Variants in SRFBP1 observed in about 807,000 individuals in gnomAD.
SRFBP1 encodes serum response factor binding protein 1, also known as serum response factor-binding protein 1.
Under a neutral mutation model 45.5 loss-of-function variants are expected in SRFBP1, and 47 were observed. That is an observed-to-expected ratio of 1.03 (90% confidence interval 0.82 to 1.32). The LOEUF (loss-of-function observed/expected upper bound fraction) is 1.32. SRFBP1 is among the 40% of genes most tolerant of loss of function. SRFBP1 has a pLI of 0.00. For missense variants in SRFBP1, 621 were observed against 484.6 expected, an observed-to-expected ratio of 1.28 and a Z score of -2.64; for synonymous variants, 203 against 166.3, an observed-to-expected ratio of 1.22 and a Z score of -1.70.
chr5:122,015,987 G>A (rs1487222642), intron 4 of SRFBP1, among the ~76,000 whole-genome samples: 1 of 152,040 alleles, frequency 6.6e-6, no homozygotes, highest in Non-Finnish European at 1.5e-5. Flanking sequence ...ATCAGATTAG[G>A]TGAACATTTA....
In SRFBP1 at chr5:122,027,733, G is replaced by T. The variant is rs1241750501; in HGVS notation, c.*607G>T. ...TAAAATAGTAACTTTTATTATGGAT[G>T]TACAGATAAATATTAATTTTATTAT... On this transcript the variant is annotated 3_prime_UTR_variant, in exon 8 of 8. Transcript: ENST00000339397. 6.6e-6 allele frequency: 1 copy of T among 152,122 alleles called. No individual in the cohort carries two copies. Among genetic ancestry groups the T allele is most frequent in the Non-Finnish European group, 1.5e-5 (1 of 68,024 alleles). 9.4% of individuals were successfully genotyped at this position (152,122 alleles called of 1,614,324 possible).
chr5:121,964,822 A>G (rs1330773448), intron 1 of SRFBP1, among the ~76,000 whole-genome samples: 1 of 152,112 alleles, frequency 6.6e-6, no homozygotes, highest in African/African-American at 2.4e-5. Context: ...GTGTAAAAGC[A>G]TTCCTGTTTC....
At chr5:122,013,012 C>G (rs1366319862) in intron 4 of SRFBP1, among the ~76,000 whole-genome samples, 1 of 152,070 alleles carries the variant, frequency 6.6e-6, no homozygotes, top group Non-Finnish European at 1.5e-5. Flanking sequence ...TACTTACCAC[C>G]TCTGACTCTT....
At chr5:122,043,916 T>C (rs183387436) in intron 2 of SRFBP1, among the ~76,000 whole-genome samples, 7 of 152,298 alleles carry the variant, frequency 4.6e-5, no homozygotes. Context: ...TTAATCTCCT[T>C]GTCACAGGAG....
chr5:122,077,647 G>T (rs751836249), downstream of SRFBP1: 2 of 1,609,780 alleles, frequency 1.2e-6, no homozygotes, highest in Admixed American at 3.3e-5. The surrounding 1 kb of genome is among the most constrained non-coding windows in gnomAD (Gnocchi z 4.9). Context: ...GGCGGCCAGC[G>T]GTGACTCCAG....
At chr5:121,979,236 AT>A (rs1279170231) in intron 3 of SRFBP1, among the ~76,000 whole-genome samples, 3 of 152,240 alleles carry the variant, frequency 2.0e-5, no homozygotes, top group Non-Finnish European at 4.4e-5. Flanking sequence ...ACTCAGAAGT[AT>A]TCTAGGCTGT....
intron 3 of SRFBP1, among the ~76,000 whole-genome samples, chr5:121,984,428 G>A (rs1319834386): frequency 6.6e-6 from 1 of 151,648 alleles, no homozygotes; most frequent in Non-Finnish European, 1.5e-5. Context: ...CAGGTTATTG[G>A]CATGTTATTT....
At chr5:122,035,610 A>G (rs768581862) in intron 2 of SRFBP1, among the ~76,000 whole-genome samples, 9 of 152,284 alleles carry the variant, frequency 5.9e-5, no homozygotes, top group African/African-American at 2.2e-4. Context: ...AATTTTTTCT[A>G]TTAGAATTTT....
downstream of SRFBP1, chr5:122,077,788 A>G (rs769991965): frequency 1.9e-6 from 3 of 1,548,646 alleles, no homozygotes; most frequent in African/African-American, 4.1e-5. The surrounding 1 kb of genome is among the most constrained non-coding windows in gnomAD (Gnocchi z 4.9). Context: ...GGCGGCGCTG[A>G]GGCTGGTACT....
At chr5:122,040,690 G>A (rs1753759704) in intron 2 of SRFBP1, among the ~76,000 whole-genome samples, 1 of 152,140 alleles carries the variant, frequency 6.6e-6, no homozygotes, top group African/African-American at 2.4e-5. Context: ...CTATGATAAA[G>A]GAGAGGTTGT....
chr5:122,010,991 A>ATAC lies in SRFBP1; in HGVS notation c.271-8268_271-8266dup, dbSNP rs562453824. Among the ~76,000 whole-genome samples the ATAC allele has an allele frequency of 1.7e-4, 26 of 152,220 alleles. No individual in the cohort carries two copies. The East Asian group carries it at 3.5e-3, about 20-fold the overall frequency. ...TGTTTAGTTAGCCCCAATTCTCGTGATACAGCCAAATGGACTGTTTGCTGT... is the reference window on the plus strand; with the variant it reads ...TGTTTAGTTAGCCCCAATTCTCGTGATACTACAGCCAAATGGACTGTTTGCTGT... On this transcript the variant is annotated intron_variant, in intron 4 of 7. Coordinates refer to ENST00000339397, the MANE Select transcript of SRFBP1 (RefSeq NM_152546.3).
intron 1 of SRFBP1, among the ~76,000 whole-genome samples, chr5:121,963,833 A>G (rs1180295937): frequency 1.3e-5 from 2 of 152,118 alleles, no homozygotes; most frequent in African/African-American, 4.8e-5. Flanking sequence ...GAGATGATGG[A>G]GGATATTATA....
chr5:121,974,109 TA>T, intron 1 of SRFBP1, 86 bp from the exon 2 acceptor site: 1 of 864,498 alleles, frequency 1.2e-6, no homozygotes, highest in Non-Finnish European at 1.9e-6. Context: ...AGTGGTAGAC[TA>T]AGTCTCAAAT....
chr5:121,969,661 A>G (rs1158024954), intron 1 of SRFBP1, among the ~76,000 whole-genome samples: 1 of 152,094 alleles, frequency 6.6e-6, no homozygotes, highest in African/African-American at 2.4e-5. Context: ...CTGTCAGTAC[A>G]TATATATTCG....
chr5:122,007,145 A>T (rs1752994259), intron 4 of SRFBP1, among the ~76,000 whole-genome samples: 1 of 152,080 alleles, frequency 6.6e-6, no homozygotes, highest in African/African-American at 2.4e-5. Flanking sequence ...ATCTTTGGGC[A>T]TGCCGGCCTG....
intron 2 of SRFBP1, among the ~76,000 whole-genome samples, chr5:122,062,763 CT>C (rs1754194322): frequency 6.6e-6 from 1 of 152,078 alleles, no homozygotes; most frequent in Admixed American, 6.6e-5. Flanking sequence ...TGTTTGCCCT[CT>C]CATGTTACCA....
At chr5:122,065,141 C>G (rs1754266219) in intron 2 of SRFBP1, 1 of 152,048 alleles carries the variant, frequency 6.6e-6, no homozygotes, top group South Asian at 2.1e-4. Flanking sequence ...AGCTTGTGCC[C>G]TGGTGGCTAA....
chr5:122,038,878 T>C (rs537977773), intron 2 of SRFBP1, among the ~76,000 whole-genome samples: 1 of 152,162 alleles, frequency 6.6e-6, no homozygotes, highest in Admixed American at 6.5e-5. Flanking sequence ...TCCCAAACTT[T>C]CTCAGGGAAG....
chr5:122,047,505 G>A (rs895227536), intron 2 of SRFBP1, among the ~76,000 whole-genome samples: 1 of 152,084 alleles, frequency 6.6e-6, no homozygotes, highest in Non-Finnish European at 1.5e-5. Context: ...TGTTCTTTTG[G>A]CTTAGGATTG....
Sources: allele counts gnomAD v4.1 joint callset (sites outside exome capture counted in the v4.1 genomes callset), GRCh38; gene constraint gnomAD v4.1.1; non-coding constraint Gnocchi (gnomAD v3.1); transcripts MANE v1.5; gene names NCBI Gene and HGNC (gene_info 2026-07-23, HGNC 2026-07-21).